Variants in DCBLD1 observed in about 807,000 individuals in gnomAD.
DCBLD1 encodes discoidin, CUB and LCCL domain-containing protein 1.
In DCBLD1, 57 loss-of-function variants were observed where a neutral mutation model predicts 71.5. The observed-to-expected ratio is 0.80, with a 90% CI of 0.64 to 0.99. The LOEUF (loss-of-function observed/expected upper bound fraction) is 0.99, where lower values mean the gene tolerates loss of function less well. Ranked by LOEUF, DCBLD1 falls within the 50% of genes least tolerant of loss-of-function variation. The probability of loss-of-function intolerance (pLI) is 0.00; values close to 1 mark genes in which losing one functional copy is unlikely to be tolerated. For synonymous variants in DCBLD1, 380 were observed against 363.8 expected (o/e 1.04, Z -0.51); for missense variants, 891 against 923.5 (o/e 0.96, Z 0.46).
At chr6:117,483,258 C>T (rs537477316) in intron 1 of DCBLD1, among the ~76,000 whole-genome samples, 5 of 152,336 alleles carry the variant, frequency 3.3e-5, no homozygotes, top group African/African-American at 1.2e-4. Context: ...CCGAGGGTCG[C>T]CTTAGGGGAC....
chr6:117,515,245 A>G (rs546417241), intron 2 of DCBLD1, among the ~76,000 whole-genome samples: 1 of 151,572 alleles, frequency 6.6e-6, no homozygotes, highest in East Asian at 1.9e-4. Context: ...CTAGTCTCGA[A>G]CTCCTGACCT....
At chr6:117,485,225 A>G (rs1777046021) in intron 1 of DCBLD1, among the ~76,000 whole-genome samples, 3 of 152,228 alleles carry the variant, frequency 2.0e-5, no homozygotes, top group East Asian at 1.9e-4. Flanking sequence ...TGTGCAACCT[A>G]AAACTCCCTG....
chr6:117,485,110 T>C (rs1473823636), intron 1 of DCBLD1: 1 of 152,252 alleles, frequency 6.6e-6, no homozygotes, highest in Non-Finnish European at 1.5e-5. Flanking sequence ...TGATCATTAG[T>C]TTTTATTCCA....
chr6:117,551,144 T>G (rs1252768995), downstream of DCBLD1, among the ~76,000 whole-genome samples: 1 of 152,210 alleles, frequency 6.6e-6, no homozygotes, highest in Non-Finnish European at 1.5e-5. Flanking sequence ...GGTTTTTATT[T>G]TGTCTTTGGT....
Position 117,500,160 on chromosome 6 carries a change from C to G in DCBLD1, c.113-3607C>G, listed in dbSNP as rs145745202. Among the ~76,000 whole-genome samples, 1,336 of 152,350 alleles carry G rather than the reference C, an allele frequency of 8.8e-3. 22 individuals carry two copies. The highest frequency in any genetic ancestry group is 0.03 in the African/African-American group (1,258 of 41,582). The stretch of plus-strand genomic sequence containing the variant: ...ATCTTTCTACTTAATCCTTTGAAAT[C>G]ACCCAAACTGTGGAAGCACAAGAGA... On this transcript the variant is annotated intron_variant, in intron 1 of 14. Coordinates refer to ENST00000338728, the MANE Select transcript of DCBLD1 (RefSeq NM_001366458.2).
At chr6:117,555,030 CTGT>C (rs1342503952) in intron 14 of DCBLD1, among the ~76,000 whole-genome samples, 1 of 152,068 alleles carries the variant, frequency 6.6e-6, no homozygotes, top group Admixed American at 6.5e-5. Flanking sequence ...TTAGAATTAG[CTGT>C]TGTTTGAACG....
intron 2 of DCBLD1, among the ~76,000 whole-genome samples, chr6:117,509,844 A>G (rs1777958813): frequency 6.6e-6 from 1 of 152,220 alleles, no homozygotes. Flanking sequence ...CTGAACCAGA[A>G]CTAGCTCCAT....
chr6:117,532,380 G>T lies in DCBLD1; in HGVS notation c.706G>T (p.Val236Phe), dbSNP rs1395861902. 2 of 1,607,920 alleles carry T rather than the reference G, an allele frequency of 1.2e-6. No homozygotes were observed. The highest frequency in any genetic ancestry group is 1.7e-6 in the Non-Finnish European group (2 of 1,178,270). The stretch of plus-strand genomic sequence containing the variant: ...ATATGAAGGGATTCTGGCCAATGGT[G>T]TTCTTTCGAGGGAGTAAGTATTTTT... ...SRYEGILANG[V>F]LSRDGSLSDK... Residue 236 changes from valine to phenylalanine, a missense_variant, in exon 6 of 15, where the codon GTT becomes TTT. Coordinates refer to ENST00000338728, the MANE Select transcript of DCBLD1 (RefSeq NM_001366458.2).
intron 11 of DCBLD1, among the ~76,000 whole-genome samples, chr6:117,541,511 A>G (rs1443080972): frequency 6.6e-6 from 1 of 150,912 alleles, no homozygotes; most frequent in African/African-American, 2.4e-5. Flanking sequence ...CTTTCTGTGA[A>G]GGAGGAACAG....
intron 13 of DCBLD1, 22 bp downstream of exon 13, chr6:117,544,599 CAATT>C (rs754766179): frequency 1.2e-6 from 2 of 1,613,334 alleles, no homozygotes; most frequent in Non-Finnish European, 1.7e-6. Flanking sequence ...ACTCTATCTA[CAATT>C]TTATCTGTCT....
chr6:117,483,281 G>A (rs1178663365), intron 1 of DCBLD1, among the ~76,000 whole-genome samples: 1 of 152,198 alleles, frequency 6.6e-6, no homozygotes, highest in African/African-American at 2.4e-5. Flanking sequence ...CCGTGTGCAG[G>A]GCCAGTTCTT....
chr6:117,486,455 C>A (rs952117253), intron 1 of DCBLD1, among the ~76,000 whole-genome samples: 1 of 152,176 alleles, frequency 6.6e-6, no homozygotes, highest in African/African-American at 2.4e-5. Flanking sequence ...ATTGATTTGA[C>A]AAATATTGAG....
chr6:117,562,127 C>CA (rs1779595974), intron 14 of DCBLD1: 1 of 205,794 alleles, frequency 4.9e-6, no homozygotes, highest in African/African-American at 2.3e-5. Flanking sequence ...GGAGGCACTC[C>CA]ATGTTTAATC....
At chr6:117,539,535 G>GC (rs1779018774) in intron 9 of DCBLD1, 156 bp downstream of exon 9, 4 of 834,566 alleles carry the variant, frequency 4.8e-6, no homozygotes, top group Non-Finnish European at 6.8e-6. Context: ...GGAAGCCAAG[G>GC]CAGGAGGATC....
chr6:117,543,636 A>G (rs1248124513), intron 12 of DCBLD1, among the ~76,000 whole-genome samples: 1 of 152,196 alleles, frequency 6.6e-6, no homozygotes, highest in Non-Finnish European at 1.5e-5. Flanking sequence ...CTGGGATTAT[A>G]GGCATGAGCC....
At chr6:117,536,166 C>G (rs1303030470) in intron 6 of DCBLD1, among the ~76,000 whole-genome samples, 1 of 152,176 alleles carries the variant, frequency 6.6e-6, no homozygotes, top group African/African-American at 2.4e-5. Context: ...TTTTAGTACT[C>G]TCTGTGTCCA....
rs1234731493 is a variant in DCBLD1 at position 117,540,772 on chromosome 6, G to A, written c.1206G>A (p.Arg402=). The A allele has an allele frequency of 6.2e-7, 1 of 1,614,228 alleles. No individual in the cohort carries two copies. Among genetic ancestry groups the A allele is most frequent in the Admixed American group, 1.7e-5 (1 of 60,026 alleles). ...TTGTCCCCCAGACATGGCACCAGAG[G>A]ATAGCCTTGAAGGTGGAGCTCATTG... The part of the protein sequence containing the change: ...VRVVPQTWHQ[R]IALKVELIGC... Residue 402 remains arginine, a synonymous_variant, in exon 10 of 15, where the codon AGG becomes AGA. Transcript: ENST00000338728.
At chr6:117,537,706 CATT>C (rs1778947253) in intron 7 of DCBLD1, among the ~76,000 whole-genome samples, 3 of 90,644 alleles carry the variant, frequency 3.3e-5, no homozygotes, top group Admixed American at 3.6e-4. Context: ...GGCAGAGTCT[CATT>C]ATGTTGCCCA....
intron 4 of DCBLD1, among the ~76,000 whole-genome samples, chr6:117,521,969 A>G (rs907700043): frequency 6.6e-6 from 1 of 152,214 alleles, no homozygotes. Flanking sequence ...GAGTTCCACT[A>G]TAGGGCCAAT....
Sources: allele counts gnomAD v4.1 joint callset (sites outside exome capture counted in the v4.1 genomes callset), GRCh38; gene constraint gnomAD v4.1.1; transcripts MANE v1.5; gene names NCBI Gene and HGNC (gene_info 2026-07-23, HGNC 2026-07-21).